SERPINB8: variants seen among roughly 807,000 people sequenced by gnomAD.
SERPINB8 encodes the protein serpin B8.
SERPINB8 carries 25 observed loss-of-function variants against 35.3 expected under a neutral mutation model. That is an observed-to-expected ratio of 0.71 (90% confidence interval 0.52 to 0.99). The LOEUF (loss-of-function observed/expected upper bound fraction) is 0.99. Among genes scored for constraint, SERPINB8 ranks in the 50% least tolerant of loss-of-function variants. The pLI is 0.00. For missense variants in SERPINB8, 484 were observed against 446.5 expected (o/e 1.08, Z -0.76); for synonymous variants, 186 against 160.8 (o/e 1.16, Z -1.19).
At chr18:63,978,684 G>A (rs1046627294) in intron 2 of SERPINB8, among the ~76,000 whole-genome samples, 1 of 152,190 alleles carries the variant, frequency 6.6e-6, no homozygotes, top group Non-Finnish European at 1.5e-5. Flanking sequence ...GAGAAGTCAA[G>A]CCATAGAGTT....
At chr18:64,008,535 C>A (rs1441088424), downstream of SERPINB8, among the ~76,000 whole-genome samples, 1 of 151,934 alleles carries the variant, frequency 6.6e-6, no homozygotes, top group East Asian at 1.9e-4. Flanking sequence ...AGATGTGAGC[C>A]ACCATGCCTG....
intron 1 of SERPINB8, among the ~76,000 whole-genome samples, chr18:64,002,167 G>A (rs2144842347): frequency 6.6e-6 from 1 of 152,256 alleles, no homozygotes; most frequent in East Asian, 1.9e-4. Context: ...CAGTCTGCAC[G>A]TGTTTCTGTC....
exon 8 of SERPINB8, chr18:64,019,336 C>T (rs980982332): frequency 2.0e-5 from 3 of 152,250 alleles, no homozygotes; most frequent in East Asian, 3.9e-4. Flanking sequence ...ACTGATACAT[C>T]TCATAATCTG....
intron 1 of SERPINB8, among the ~76,000 whole-genome samples, chr18:64,003,768 C>G (rs1052828989): frequency 2.0e-5 from 3 of 152,040 alleles, no homozygotes; most frequent in African/African-American, 4.8e-5. Context: ...GTGAAATTTC[C>G]TCTTACTCAG....
At chr18:63,971,294 C>G (rs2050475643) in intron 1 of SERPINB8, among the ~76,000 whole-genome samples, 1 of 152,238 alleles carries the variant, frequency 6.6e-6, no homozygotes, top group Non-Finnish European at 1.5e-5. Flanking sequence ...CATCCATTCT[C>G]ATGGAACCTC....
At chr18:64,014,501 C>A (rs73486363) in intron 7 of SERPINB8, among the ~76,000 whole-genome samples, 10 of 152,168 alleles carry the variant, frequency 6.6e-5, no homozygotes, top group South Asian at 4.1e-4. Flanking sequence ...TGGCTGGGAA[C>A]GCTGAAGACC....
chr18:64,018,493 T>C (rs1020884616), intron 7 of SERPINB8, among the ~76,000 whole-genome samples: 7 of 152,230 alleles, frequency 4.6e-5, no homozygotes, highest in African/African-American at 1.7e-4. Flanking sequence ...TGTAAACATG[T>C]AGATCTATTA....
At chr18:63,974,234 C>T (rs1434056046) in intron 1 of SERPINB8, among the ~76,000 whole-genome samples, 4 of 152,270 alleles carry the variant, frequency 2.6e-5, no homozygotes, top group South Asian at 2.1e-4. Flanking sequence ...CTTGAAACTA[C>T]GCATTTCCAT....
chr18:64,017,621 A>C (rs904362192), intron 7 of SERPINB8, among the ~76,000 whole-genome samples: 3 of 152,148 alleles, frequency 2.0e-5, no homozygotes, highest in African/African-American at 4.8e-5. Context: ...ATGGAAAAAA[A>C]CTTATTACTG....
chr18:63,977,628 G>A (rs995284716), intron 1 of SERPINB8, among the ~76,000 whole-genome samples: 1 of 152,154 alleles, frequency 6.6e-6, no homozygotes, highest in Non-Finnish European at 1.5e-5. Flanking sequence ...ACACCCGTCC[G>A]CACAAAGACC....
Position 63,978,453 on chromosome 18 carries a change from A to G in SERPINB8, c.145A>G (p.Ser49Gly). ...CATGGTCTTCATGGGGGCAAAGGGA[A>G]GCACTGCAGCCCAGATGTCCCAGGT... Reference protein sequence around the residue: ...LAMVFMGAKGSTAAQMSQALC... With the variant: ...LAMVFMGAKGGTAAQMSQALC... The change falls in exon 2 of 7, where the codon AGC becomes GGC. Residue 49 changes from serine (S) to glycine (G), a missense_variant. Physicochemically the swap from Ser to Gly is moderately conservative, Grantham distance 56. Coordinates refer to ENST00000397985, the MANE Select transcript of SERPINB8 (RefSeq NM_002640.4). 6.2e-7 allele frequency: 1 copy of G among 1,614,212 alleles called. No individual in the cohort carries two copies. The highest frequency in any genetic ancestry group is 1.1e-5 in the South Asian group (1 of 91,086).
At chr18:64,008,805 TG>T (rs1292294747), downstream of SERPINB8, among the ~76,000 whole-genome samples, 1 of 152,112 alleles carries the variant, frequency 6.6e-6, no homozygotes, top group Non-Finnish European at 1.5e-5. Context: ...GCCTAAACAC[TG>T]GTCAGATTCT....
intron 7 of SERPINB8, chr18:64,018,762 G>T (rs1194765484): frequency 1.3e-5 from 2 of 152,272 alleles, no homozygotes; most frequent in Admixed American, 1.3e-4. Context: ...TTATGAAAGC[G>T]TTCCAACGTT....
At chr18:63,999,423 T>G (rs1289451531) in intron 1 of SERPINB8, among the ~76,000 whole-genome samples, 2 of 152,184 alleles carry the variant, frequency 1.3e-5, no homozygotes, top group Non-Finnish European at 2.9e-5. Flanking sequence ...TTCCTAGTTG[T>G]CAACTCAATG....
At chr18:63,993,651 T>G (rs1252013312), downstream of SERPINB8, among the ~76,000 whole-genome samples, 2 of 152,212 alleles carry the variant, frequency 1.3e-5, no homozygotes, top group Non-Finnish European at 2.9e-5. Flanking sequence ...AGATGAGTGT[T>G]GACATGTCCA....
chr18:64,010,968 T>TAC (rs540480241), intron 7 of SERPINB8, among the ~76,000 whole-genome samples: 1 of 151,494 alleles, frequency 6.6e-6, no homozygotes, highest in East Asian at 1.9e-4. Flanking sequence ...TATGTATATA[T>TAC]ACACACACAC....
intron 7 of SERPINB8, among the ~76,000 whole-genome samples, chr18:64,012,209 A>T (rs1221890936): frequency 1.3e-5 from 2 of 152,216 alleles, no homozygotes; most frequent in African/African-American, 4.8e-5. Flanking sequence ...TTAAAATAAC[A>T]ATTCAAGTGG....
At chr18:63,970,944 C>T (rs1277584838) in intron 1 of SERPINB8, among the ~76,000 whole-genome samples, 1 of 152,212 alleles carries the variant, frequency 6.6e-6, no homozygotes, top group Non-Finnish European at 1.5e-5. Context: ...ACCAATTCCT[C>T]ACTTTCCAGA....
chr18:64,014,484 C>A (rs1465787724), intron 7 of SERPINB8, among the ~76,000 whole-genome samples: 1 of 152,078 alleles, frequency 6.6e-6, no homozygotes, highest in African/African-American at 2.4e-5. Flanking sequence ...TGAAAGGGCC[C>A]TGGGAATGGC....
Sources: allele counts gnomAD v4.1 joint callset (sites outside exome capture counted in the v4.1 genomes callset), GRCh38; gene constraint gnomAD v4.1.1; transcripts MANE v1.5; gene names NCBI Gene and HGNC (gene_info 2026-07-23, HGNC 2026-07-21).